The following HS6ST2 variants were observed in gnomAD, a reference collection of about 807,000 sequenced individuals.
HS6ST2 encodes the protein heparan-sulfate 6-O-sulfotransferase 2.
HS6ST2 carries 17 observed loss-of-function variants against 33.0 expected under a neutral mutation model. That is an observed-to-expected ratio of 0.52 (90% CI 0.35 to 0.77). The LOEUF is 0.77. Ranked by LOEUF, HS6ST2 falls within the 30% of genes least tolerant of loss-of-function variation. The probability of loss-of-function intolerance (pLI) is 0.01; values close to 1 mark genes in which losing one functional copy is unlikely to be tolerated. For synonymous variants in HS6ST2, 248 were observed against 237.1 expected (o/e 1.05, Z -0.42); for missense variants, 519 against 551.7 (o/e 0.94, Z 0.59).
intron 2 of HS6ST2, among the ~76,000 whole-genome samples, chrX:132,931,948 A>G (rs2066772090): frequency 9.3e-6 from 1 of 107,461 alleles, no homozygotes; most frequent in Admixed American, 9.9e-5. Flanking sequence ...GCACTTTGGG[A>G]GCCGAAGGTG....
chrX:132,724,567 C>T (rs1391059517), intron 2 of HS6ST2, among the ~76,000 whole-genome samples: 3 of 111,368 alleles, frequency 2.7e-5, no homozygotes, highest in African/African-American at 6.5e-5. Context: ...ATTGTTAAAA[C>T]GTCCATACTA....
chrX:132,699,826 TAAGA>T (rs2064129990), intron 3 of HS6ST2, among the ~76,000 whole-genome samples: 2 of 112,076 alleles, frequency 1.8e-5, no homozygotes, highest in Admixed American at 1.9e-4. Flanking sequence ...GCAGTGAGCT[TAAGA>T]AACACTTTAC....
chrX:132,685,056 G>A (rs2064005919), intron 3 of HS6ST2, among the ~76,000 whole-genome samples: 1 of 111,678 alleles, frequency 9.0e-6, no homozygotes, highest in Admixed American at 9.5e-5. Context: ...CAGTAAAGAA[G>A]TAGATATCTT....
intron 2 of HS6ST2, among the ~76,000 whole-genome samples, chrX:132,942,640 A>G (rs975921277): frequency 8.9e-6 from 1 of 112,007 alleles, no homozygotes; most frequent in African/African-American, 3.2e-5. Context: ...TGGTTTTTGA[A>G]AGAAAGCATC....
At chrX:132,810,313 G>A (rs1399711890) in intron 2 of HS6ST2, among the ~76,000 whole-genome samples, 5 of 109,447 alleles carry the variant, frequency 4.6e-5, no homozygotes, top group African/African-American at 1.7e-4. Flanking sequence ...GGCTGAGGCG[G>A]GAGGATTGCT....
chrX:132,693,865 G>A (rs919122440), intron 3 of HS6ST2, among the ~76,000 whole-genome samples: 1 of 111,522 alleles, frequency 9.0e-6, no homozygotes, highest in African/African-American at 3.3e-5. Context: ...CCCACAACCT[G>A]TGTGCACTGA....
intron 2 of HS6ST2, among the ~76,000 whole-genome samples, chrX:132,765,460 T>A (rs891696935): frequency 1.8e-5 from 2 of 112,141 alleles, no homozygotes; most frequent in Non-Finnish European, 3.8e-5. Context: ...TTCTATTTTT[T>A]ATTTTTATTT....
chrX:132,854,482 C>T, intron 2 of HS6ST2, among the ~76,000 whole-genome samples: 1 of 112,453 alleles, frequency 8.9e-6, no homozygotes, highest in East Asian at 2.8e-4. Flanking sequence ...ACAATAATCT[C>T]TGCCCTGCTG....
chrX:132,946,691 C>T (rs748568945), intron 2 of HS6ST2, among the ~76,000 whole-genome samples: 1 of 111,772 alleles, frequency 8.9e-6, no homozygotes, highest in East Asian at 2.8e-4. Flanking sequence ...GGGTGCAGCA[C>T]ACCAACATGG....
At chrX:132,653,341 T>C in intron 4 of HS6ST2, among the ~76,000 whole-genome samples, 1 of 112,534 alleles carries the variant, frequency 8.9e-6, no homozygotes, top group East Asian at 2.8e-4. Flanking sequence ...AATGTGTTCT[T>C]AATAGACCAT....
intron 4 of HS6ST2, among the ~76,000 whole-genome samples, chrX:132,664,480 AG>A (rs2063796059): frequency 8.9e-6 from 1 of 112,115 alleles, no homozygotes; most frequent in African/African-American, 3.2e-5. Flanking sequence ...CGGCAAAGGC[AG>A]GTTAGAGCCG....
At chrX:132,705,868 T>C (rs1174529852) in intron 3 of HS6ST2, among the ~76,000 whole-genome samples, 1 of 111,962 alleles carries the variant, frequency 8.9e-6, no homozygotes, top group Admixed American at 9.5e-5. Context: ...TGGTTGAGTG[T>C]CTCATTGCCA....
chrX:132,667,218 C>A (rs1419568525), intron 4 of HS6ST2, among the ~76,000 whole-genome samples: 1 of 111,884 alleles, frequency 8.9e-6, no homozygotes, highest in Admixed American at 9.5e-5. Flanking sequence ...GAGAACAGTG[C>A]AAGAAACCCT....
intron 2 of HS6ST2, among the ~76,000 whole-genome samples, chrX:132,887,054 G>C (rs1348326323): frequency 9.1e-6 from 1 of 110,335 alleles, no homozygotes; most frequent in African/African-American, 3.3e-5. Context: ...AGAATTGCTT[G>C]AACCTGGGAA....
intron 2 of HS6ST2, among the ~76,000 whole-genome samples, chrX:132,768,152 C>T (rs916093929): frequency 6.4e-5 from 7 of 109,934 alleles, no homozygotes; most frequent in Non-Finnish European, 1.1e-4. Context: ...GCCTGGCCAA[C>T]ATGGTGAAAC....
At chrX:132,747,305 G>A (rs1175168779) in intron 2 of HS6ST2, among the ~76,000 whole-genome samples, 1 of 111,857 alleles carries the variant, frequency 8.9e-6, no homozygotes, top group African/African-American at 3.2e-5. Context: ...AATCTCCTCT[G>A]TAACTGAGGA....
chrX:132,840,245 C>A (rs1029093101), intron 2 of HS6ST2, among the ~76,000 whole-genome samples: 1 of 111,466 alleles, frequency 9.0e-6, no homozygotes, highest in Admixed American at 9.5e-5. Context: ...GATATTATAC[C>A]CACAAAGATC....
At chrX:132,912,608 T>C (rs190499340) in intron 2 of HS6ST2, among the ~76,000 whole-genome samples, 6 of 112,312 alleles carry the variant, frequency 5.3e-5, no homozygotes, top group African/African-American at 1.9e-4. Flanking sequence ...CAAATGCTCA[T>C]CTTTGTGCTC....
intron 2 of HS6ST2, among the ~76,000 whole-genome samples, chrX:132,906,427 A>G (rs779525772): frequency 8.0e-5 from 9 of 112,229 alleles, no homozygotes; most frequent in Non-Finnish European, 1.7e-4. Context: ...TGGATTTTCT[A>G]TTTGTACAAT....
Sources: allele counts gnomAD v4.1 joint callset (sites outside exome capture counted in the v4.1 genomes callset), GRCh38; gene constraint gnomAD v4.1.1; transcripts MANE v1.5; gene names NCBI Gene and HGNC (gene_info 2026-07-23, HGNC 2026-07-21).